C8B: variants seen among roughly 807,000 people sequenced by gnomAD.
C8B encodes the protein complement component C8 beta chain.
Under a neutral mutation model 64.6 loss-of-function variants are expected in C8B, and 67 were observed. The observed-to-expected ratio is 1.04, with a 90% CI of 0.85 to 1.27. C8B has a LOEUF of 1.27. C8B is among the 50% of genes most tolerant of loss of function. The probability of loss-of-function intolerance (pLI) is 0.00; values close to 1 mark genes in which losing one functional copy is unlikely to be tolerated. For missense variants in C8B, 790 were observed against 725.2 expected (o/e 1.09, Z -1.03); for synonymous variants, 284 against 257.7 (o/e 1.10, Z -0.98).
Position 56,943,684 on chromosome 1 carries a change from CCT to C in C8B, c.1234+10_1234+11del, listed in dbSNP as rs1356306365. On this transcript the variant is annotated intron_variant, in intron 8 of 11. Coordinates refer to ENST00000371237, the MANE Select transcript of C8B (RefSeq NM_000066.4). ...ATTATAAGTGTGGAAGTCACAAGCC[CCT>C]GTCACTCACCTTTTATTTCATTCAG... 3 of 1,613,774 alleles carry C rather than the reference CCT, an allele frequency of 1.9e-6. No individual in the cohort carries two copies. Among genetic ancestry groups the C allele is most frequent in the African/African-American group, 2.7e-5 (2 of 74,874 alleles).
chr1:56,963,502 C>T (rs1645207614), intron 1 of C8B, among the ~76,000 whole-genome samples: 3 of 149,074 alleles, frequency 2.0e-5, no homozygotes, highest in Admixed American at 6.9e-5. Flanking sequence ...AAAGCAACAT[C>T]TCAAGGCAAC....
chr1:56,941,808 C>T (rs573831169), intron 8 of C8B, among the ~76,000 whole-genome samples: 1 of 152,316 alleles, frequency 6.6e-6, no homozygotes, highest in Admixed American at 6.5e-5. Flanking sequence ...ACTTTCCTCT[C>T]TCCAAACTGG....
chr1:56,958,040 G>A lies in C8B; in HGVS notation c.250-1130C>T, dbSNP rs570190141. On this transcript the variant is annotated intron_variant, in intron 2 of 11. Transcript: ENST00000371237. ...CTGAGAGGACTAGAGAAGGTTTCCC[G>A]TGTTCCAGAAAACATTAAAAAGATT... is the stretch of plus-strand genomic sequence containing the variant. 2.6e-5 allele frequency among the ~76,000 whole-genome samples: 4 copies of A among 152,228 alleles called. No individual in the cohort carries two copies. The South Asian group carries it at 6.2e-4, about 24-fold the overall frequency.
At position 56,929,572 on chromosome 1, in the gene C8B, G is replaced by A; in HGVS notation, c.1622-14C>T. The A allele has an allele frequency of 3.1e-6, 5 of 1,613,238 alleles. No individual in the cohort carries two copies. The highest frequency in any genetic ancestry group is 2.2e-5 in the East Asian group (1 of 44,846). The stretch of plus-strand genomic sequence containing the variant: ...CAATGGGGGTATCTATAAGAAAGAA[G>A]GTCAATAAGCATCAATCAGCACTTC... On this transcript the variant is annotated splice_polypyrimidine_tract_variant and intron_variant, in intron 11 of 11. Transcript: ENST00000371237.
chr1:56,936,172 T>C (rs554512585), intron 9 of C8B, among the ~76,000 whole-genome samples: 2 of 152,350 alleles, frequency 1.3e-5, no homozygotes, highest in South Asian at 2.1e-4. Flanking sequence ...CATTCTTGCA[T>C]TGGGTGTTGT....
rs373866445 is a variant in C8B, at chr1:56,933,445, T to C, written c.1442A>G (p.Tyr481Cys). 48 of 1,613,772 alleles carry C rather than the reference T, an allele frequency of 3.0e-5. No individual in the cohort carries two copies. The highest frequency in any genetic ancestry group is 4.5e-5 in the East Asian group (2 of 44,860). ...CATGTTCTGCCTCACTGTGCTGGAA[T>C]AGGCAAAATCTGTGGCTGTCACTAG... ...YELVTATDFA[Y>C]SSTVRQNMKQ... The change falls in exon 10 of 12, where the codon TAT becomes TGT. Residue 481 changes from tyrosine (Y) to cysteine (C), a missense_variant. By Grantham distance (194) the Tyr-to-Cys change is radical (BLOSUM62 -2). Coordinates refer to ENST00000371237, the MANE Select transcript of C8B (RefSeq NM_000066.4).
At chr1:56,929,640 C>A (rs1644667747) in intron 11 of C8B, 82 bp from the exon 12 acceptor site, 5 of 1,369,862 alleles carry the variant, frequency 3.7e-6, no homozygotes, top group East Asian at 4.6e-5. Context: ...GCTATGTAAG[C>A]CAAAAGGCTT....
At position 56,954,713 on chromosome 1, in the gene C8B, T is replaced by G. The variant is rs749393522; in HGVS notation, c.506A>C (p.Tyr169Ser). 6.2e-7 allele frequency: 1 copy of G among 1,614,158 alleles called. No individual in the cohort carries two copies. The highest frequency in any genetic ancestry group is 8.5e-7 in the Non-Finnish European group (1 of 1,179,984). The change falls in exon 4 of 12, where the codon TAC becomes TCC. Residue 169 changes from tyrosine (Y) to serine (S), a missense_variant. Transcript: ENST00000371237. Reference sequence around the variant, plus strand: ...ACTGGCCAGACTGCCAATTCCCCAGTATTGGTCCATTTCATGCTGACATTT... The same window carrying G: ...ACTGGCCAGACTGCCAATTCCCCAGGATTGGTCCATTTCATGCTGACATTT... ...YKKCQHEMDQ[Y>S]WGIGSLASGI... is the part of the protein sequence containing the mutation.
chr1:56,946,009 A>C lies in C8B; in HGVS notation c.917T>G (p.Leu306Arg). ...ATGGAGCATGAGGCTTCTGGGTTTC[A>C]GCTTGTAATGTGCTACTTCAAGGTC... ...RSDLEVAHYK[L>R]KPRSLMLHYE... is the part of the protein sequence containing the mutation. The change falls in exon 7 of 12, where the codon CTG (leucine) becomes CGG (arginine). Residue 306 changes from leucine (L) to arginine (R), a missense_variant. Physicochemically the swap from Leu to Arg is moderately radical, Grantham distance 102. Transcript: ENST00000371237. 6.2e-7 allele frequency: 1 copy of C among 1,614,152 alleles called. No homozygotes were observed. Among genetic ancestry groups the C allele is most frequent in the South Asian group, 1.1e-5 (1 of 91,076 alleles).
intron 2 of C8B, among the ~76,000 whole-genome samples, chr1:56,958,033 G>A (rs1570403954): frequency 6.6e-6 from 1 of 152,136 alleles, no homozygotes; most frequent in Admixed American, 6.5e-5. Context: ...ACTAGAGAAG[G>A]TTTCCCGTGT....
chr1:56,930,055 G>A (rs1215871476), intron 11 of C8B, among the ~76,000 whole-genome samples: 1 of 152,176 alleles, frequency 6.6e-6, no homozygotes, highest in Non-Finnish European at 1.5e-5. Flanking sequence ...CTAGCAGCTA[G>A]GCAGGCAAAC....
intron 4 of C8B, among the ~76,000 whole-genome samples, chr1:56,953,331 G>A (rs748289453): frequency 6.6e-6 from 1 of 152,150 alleles, no homozygotes; most frequent in Non-Finnish European, 1.5e-5. Context: ...TCAAAATAAT[G>A]TATACATATT....
intron 7 of C8B, among the ~76,000 whole-genome samples, chr1:56,944,502 G>C (rs764349236): frequency 1.3e-5 from 2 of 152,184 alleles, no homozygotes; most frequent in Non-Finnish European, 2.9e-5. Context: ...TTTTCCCAAA[G>C]TGCATTTCTT....
chr1:56,954,464 C>G (rs1351809087), intron 4 of C8B, among the ~76,000 whole-genome samples: 1 of 152,208 alleles, frequency 6.6e-6, no homozygotes, highest in African/African-American at 2.4e-5. Context: ...CCCAGTGTTC[C>G]AAACCAGCCC....
At chr1:56,959,848 G>C (rs1172057942) in intron 2 of C8B, among the ~76,000 whole-genome samples, 172 bp downstream of exon 2, 1 of 152,180 alleles carries the variant, frequency 6.6e-6, no homozygotes, top group Non-Finnish European at 1.5e-5. Flanking sequence ...AGAACCAAAG[G>C]AAAGAACTTA....
intron 4 of C8B, among the ~76,000 whole-genome samples, chr1:56,953,979 GT>G (rs938448807): frequency 1.1e-4 from 17 of 152,138 alleles, no homozygotes; most frequent in Non-Finnish European, 1.5e-5. Context: ...GATTTGATGG[GT>G]TTTTTTAGAA....
intron 8 of C8B, 45 bp downstream of exon 8, chr1:56,943,651 G>C (rs1227054260): frequency 1.2e-6 from 2 of 1,611,262 alleles, no homozygotes; most frequent in Non-Finnish European, 1.7e-6. Flanking sequence ...GGCACTAGGA[G>C]GATAAACATT....
intron 5 of C8B, among the ~76,000 whole-genome samples, chr1:56,950,988 T>C (rs1282814829): frequency 6.6e-6 from 1 of 152,140 alleles, no homozygotes; most frequent in African/African-American, 2.4e-5. Flanking sequence ...AGAGTGTGTT[T>C]GGCGCTAAGC....
At chr1:56,942,565 C>T (rs1026656218) in intron 8 of C8B, among the ~76,000 whole-genome samples, 3 of 152,020 alleles carry the variant, frequency 2.0e-5, no homozygotes, top group South Asian at 2.1e-4. Context: ...ATTAGCCAGG[C>T]GTGGTGGCAC....
Sources: gnomAD v4.1 joint callset for allele counts (sites outside exome capture counted in the v4.1 genomes callset) on GRCh38, gnomAD v4.1.1 for gene constraint, MANE v1.5 for transcripts, NCBI Gene and HGNC (gene_info 2026-07-23, HGNC 2026-07-21) for gene names.